The following ATRNL1 variants were observed in gnomAD, a reference collection of about 807,000 sequenced individuals.
ATRNL1 encodes attractin-like protein 1.
Under a neutral mutation model 182.7 loss-of-function variants are expected in ATRNL1, and 95 were observed. That is an observed-to-expected ratio of 0.52 (90% confidence interval 0.44 to 0.62). ATRNL1 has a LOEUF of 0.62. Among genes scored for constraint, ATRNL1 ranks in the 20% least tolerant of loss-of-function variants. The pLI, the probability that ATRNL1 is intolerant of heterozygous loss-of-function variation, is 0.00. For missense variants in ATRNL1, 1,471 were observed against 1,679.5 expected, an observed-to-expected ratio of 0.88 and a Z score of 2.17; for synonymous variants, 576 against 568.3, an observed-to-expected ratio of 1.01 and a Z score of -0.19.
chr10:115,412,759 G>A (rs928522272), intron 20 of ATRNL1, among the ~76,000 whole-genome samples: 3 of 152,134 alleles, frequency 2.0e-5, no homozygotes, highest in Non-Finnish European at 4.4e-5. Context: ...TTACCTTTGT[G>A]TAAATAAACA....
chr10:115,693,018 T>C (rs546139998), intron 26 of ATRNL1, among the ~76,000 whole-genome samples: 2 of 152,244 alleles, frequency 1.3e-5, no homozygotes, highest in East Asian at 3.9e-4. Context: ...CATTGATCAC[T>C]GATATTTGAC....
chr10:115,436,211 A>G (rs1232571704), intron 21 of ATRNL1, among the ~76,000 whole-genome samples: 2 of 152,146 alleles, frequency 1.3e-5, no homozygotes, highest in African/African-American at 4.8e-5. Flanking sequence ...ATGAAACTAA[A>G]TAGATGACCA....
chr10:115,564,015 C>A (rs1323262646), intron 26 of ATRNL1, among the ~76,000 whole-genome samples: 3 of 152,068 alleles, frequency 2.0e-5, no homozygotes, highest in African/African-American at 7.2e-5. Flanking sequence ...TCATGCTGAA[C>A]TGGTGTTCGA....
At chr10:115,578,480 ATG>A (rs1401517226) in intron 26 of ATRNL1, among the ~76,000 whole-genome samples, 2 of 151,424 alleles carry the variant, frequency 1.3e-5, no homozygotes, top group African/African-American at 2.4e-5. Flanking sequence ...CAGTCTTTAT[ATG>A]TTGCATGTTT....
At chr10:115,469,359 AC>A in intron 24 of ATRNL1, 30 bp downstream of exon 24, 1 of 1,392,748 alleles carries the variant, frequency 7.2e-7, no homozygotes, top group South Asian at 1.5e-5. Flanking sequence ...ACTTCTAATG[AC>A]CATAATATCA....
intron 26 of ATRNL1, among the ~76,000 whole-genome samples, chr10:115,617,793 A>G (rs895341788): frequency 6.6e-6 from 1 of 152,192 alleles, no homozygotes; most frequent in African/African-American, 2.4e-5. Context: ...GCATGATTGT[A>G]TTTTGAAATG....
At chr10:115,728,128 GA>G (rs3087144) in intron 27 of ATRNL1, among the ~76,000 whole-genome samples, 8,298 of 112,858 alleles carry the variant, frequency 0.074, 874 homozygotes, top group African/African-American at 0.26. Context: ...AAAAAAAAAA[GA>G]AAAAAAAAAA....
intron 24 of ATRNL1, among the ~76,000 whole-genome samples, chr10:115,505,487 A>G (rs1179098291): frequency 1.3e-5 from 2 of 152,120 alleles, no homozygotes; most frequent in African/African-American, 4.8e-5. Context: ...TTCTTTTGGT[A>G]TTCCATAAAA....
At chr10:115,269,310 A>G (rs1304008974) in intron 13 of ATRNL1, among the ~76,000 whole-genome samples, 3 of 152,022 alleles carry the variant, frequency 2.0e-5, no homozygotes, top group African/African-American at 4.8e-5. Flanking sequence ...AAAAAGTAGT[A>G]TTTAGTAGAA....
intron 27 of ATRNL1, among the ~76,000 whole-genome samples, chr10:115,775,405 C>T (rs1056938236): frequency 6.6e-6 from 1 of 152,060 alleles, no homozygotes; most frequent in Non-Finnish European, 1.5e-5. Context: ...AGATTGACTT[C>T]AAGAAACATT....
chr10:115,098,862 A>C (rs111385199), intron 1 of ATRNL1, among the ~76,000 whole-genome samples: 24 of 152,314 alleles, frequency 1.6e-4, no homozygotes, highest in African/African-American at 5.5e-4. Flanking sequence ...ATTGTCAAAA[A>C]TGAGGTGTTT....
At chr10:115,209,119 A>C (rs1848917739) in intron 8 of ATRNL1, among the ~76,000 whole-genome samples, 1 of 151,922 alleles carries the variant, frequency 6.6e-6, no homozygotes, top group South Asian at 2.1e-4. Context: ...TGCCATAAAC[A>C]ACTCAAAAAC....
At chr10:115,669,600 C>T (rs535354305) in intron 26 of ATRNL1, among the ~76,000 whole-genome samples, 12 of 152,208 alleles carry the variant, frequency 7.9e-5, no homozygotes, top group African/African-American at 2.9e-4. Flanking sequence ...TATTGACATA[C>T]TGCAAGTGCA....
At chr10:115,117,630 A>G (rs1261700693) in intron 1 of ATRNL1, among the ~76,000 whole-genome samples, 1 of 152,090 alleles carries the variant, frequency 6.6e-6, no homozygotes, top group African/African-American at 2.4e-5. Context: ...TTGCTTCCAA[A>G]TCTTGGCTAT....
At chr10:115,690,688 G>A (rs985110295) in intron 26 of ATRNL1, among the ~76,000 whole-genome samples, 5 of 152,176 alleles carry the variant, frequency 3.3e-5, no homozygotes, top group Non-Finnish European at 5.9e-5. Flanking sequence ...AGATATGGGG[G>A]CTATGATTCC....
intron 10 of ATRNL1, among the ~76,000 whole-genome samples, chr10:115,257,187 G>C (rs1187888822): frequency 5.9e-5 from 9 of 152,072 alleles, no homozygotes; most frequent in Admixed American, 5.9e-4. Flanking sequence ...GGATATCCTT[G>C]TTAACCTCTC....
chr10:115,388,852 A>G (rs1554953378), intron 19 of ATRNL1, among the ~76,000 whole-genome samples: 2 of 151,990 alleles, frequency 1.3e-5, no homozygotes, highest in South Asian at 2.1e-4. Context: ...TATGTATTAT[A>G]TGTTTGTGGG....
chr10:115,406,657 G>A (rs1236359128), intron 20 of ATRNL1, among the ~76,000 whole-genome samples: 2 of 151,858 alleles, frequency 1.3e-5, no homozygotes, highest in Non-Finnish European at 2.9e-5. Flanking sequence ...TTTAATCACC[G>A]GTGGAATTTT....
chr10:115,722,881 C>T (rs1197457713), intron 26 of ATRNL1, among the ~76,000 whole-genome samples: 1 of 152,100 alleles, frequency 6.6e-6, no homozygotes, highest in Non-Finnish European at 1.5e-5. Context: ...TGTCTACCTA[C>T]TTTCAAGGAG....
Sources: allele counts gnomAD v4.1 joint callset (sites outside exome capture counted in the v4.1 genomes callset), GRCh38; gene constraint gnomAD v4.1.1; transcripts MANE v1.5; gene names NCBI Gene and HGNC (gene_info 2026-07-23, HGNC 2026-07-21).